CYP2S1: variants seen among roughly 807,000 people sequenced by gnomAD.
The protein encoded by CYP2S1 is cytochrome P450 2S1.
In CYP2S1, 32 loss-of-function variants were observed where a neutral mutation model predicts 43.5. The observed-to-expected ratio is 0.74, with a 90% CI of 0.56 to 0.99. The LOEUF is 0.99. Among genes scored for constraint, CYP2S1 ranks in the 50% least tolerant of loss-of-function variants. CYP2S1 has a pLI of 0.00. For missense variants in CYP2S1, 575 were observed against 673.9 expected (o/e 0.85, Z 1.62); for synonymous variants, 283 against 302.9 (o/e 0.93, Z 0.68).
At chr19:41,204,638 C>T (rs1475198118) in intron 7 of CYP2S1, among the ~76,000 whole-genome samples, 1 of 147,134 alleles carries the variant, frequency 6.8e-6, no homozygotes, top group African/African-American at 2.5e-5. Flanking sequence ...CGCTCTGTTG[C>T]CCAGGCTGGA....
Position 41,206,986 on chromosome 19 carries a change from C to T in CYP2S1, c.*498C>T. The T allele has an allele frequency of 2.8e-6, 1 of 362,422 alleles. No homozygotes were observed. Among genetic ancestry groups the T allele is most frequent in the South Asian group, 2.1e-5 (1 of 48,644 alleles). 22.5% of individuals were successfully genotyped at this position (362,422 alleles called of 1,614,324 possible). A position where few individuals can be genotyped will look rare whatever the true frequency, so the allele number is the denominator to read the frequency against. On this transcript the variant is annotated 3_prime_UTR_variant, in exon 9 of 9. Transcript: ENST00000310054. ...CAGAGACTGTCGCTGTCTATGGCCCCAACTCATGCTCCCTCTCTTGGCTAC... is the reference window on the plus strand; with the variant it reads ...CAGAGACTGTCGCTGTCTATGGCCCTAACTCATGCTCCCTCTCTTGGCTAC...
At chr19:41,201,084 A>G in intron 5 of CYP2S1, 147 bp from the exon 6 acceptor site, 1 of 1,064,262 alleles carries the variant, frequency 9.4e-7, no homozygotes. Flanking sequence ...CTCAAAAAAA[A>G]AAAGTCTACT....
At position 41,206,227 on chromosome 19, in the gene CYP2S1, C is replaced by T. The variant is rs984130147; in HGVS notation, c.1307-53C>T. On this transcript the variant is annotated intron_variant, in intron 8 of 8. Transcript: ENST00000310054. ...CTCCACCTGCTGTTCCCCCCGTGGGCCTGGGTGTGAGGAATACTGACTCAG... is the reference window on the plus strand; with the variant it reads ...CTCCACCTGCTGTTCCCCCCGTGGGTCTGGGTGTGAGGAATACTGACTCAG... 6 of 1,612,136 alleles carry T rather than the reference C, an allele frequency of 3.7e-6. No individual in the cohort carries two copies. In the East Asian group the frequency reaches 6.7e-5, roughly 18 times the overall value.
In CYP2S1 at chr19:41,203,627, C is replaced by A; in HGVS notation, c.1154C>A (p.Thr385Asn). 1 of 1,541,150 alleles carries A rather than the reference C, an allele frequency of 6.5e-7. No individual in the cohort carries two copies. Among genetic ancestry groups the A allele is most frequent in the Non-Finnish European group, 8.8e-7 (1 of 1,141,788 alleles). Reference protein sequence around the residue: ...LMRTTRFRGYTLPQGTEVFPL... With the variant: ...LMRTTRFRGYNLPQGTEVFPL... ...CGGACCACCCGCTTCCGAGGGTACA[C>A]CCTGCCCCAGGTGGGTATGCGTATG... Residue 385 changes from threonine (T) to asparagine (N), a missense_variant, in exon 7 of 9, where the codon ACC (threonine) becomes AAC (asparagine). Around this residue, in one of 2 missense-constraint regions of CYP2S1, gnomAD observed 222 missense variants for 306.3 expected, o/e 0.72. Coordinates refer to ENST00000310054, the MANE Select transcript of CYP2S1 (RefSeq NM_030622.8).
intron 2 of CYP2S1, among the ~76,000 whole-genome samples, chr19:41,197,064 A>G (rs2122154621): frequency 6.6e-6 from 1 of 152,250 alleles, no homozygotes; most frequent in South Asian, 2.1e-4. Flanking sequence ...GCGTAGTGGC[A>G]TATGCCTGTA....
At chr19:41,205,462 TC>T (rs1246755748) in intron 7 of CYP2S1, among the ~76,000 whole-genome samples, 4 of 150,888 alleles carry the variant, frequency 2.7e-5, no homozygotes, top group African/African-American at 9.8e-5. Flanking sequence ...TTTCTCTCTC[TC>T]TCTCTTTCTT....
At chr19:41,205,688 AT>A (rs2033566503) in intron 7 of CYP2S1, among the ~76,000 whole-genome samples, 2 of 151,724 alleles carry the variant, frequency 1.3e-5, no homozygotes, top group Admixed American at 1.3e-4. Flanking sequence ...TGCCTGGCTA[AT>A]TTTTTAATTT....
intron 6 of CYP2S1, 91 bp downstream of exon 6, chr19:41,201,463 T>C: frequency 1.3e-6 from 2 of 1,509,754 alleles, no homozygotes; most frequent in Non-Finnish European, 1.8e-6. Context: ...CCCAGCACTT[T>C]GGGAGGCTGA....
At chr19:41,201,992 T>C (rs901231865) in intron 6 of CYP2S1, among the ~76,000 whole-genome samples, 1 of 152,018 alleles carries the variant, frequency 6.6e-6, no homozygotes, top group African/African-American at 2.4e-5. Flanking sequence ...TTTATTTTTT[T>C]TACTTTTTGT....
chr19:41,193,617 G>A, intron 1 of CYP2S1, 176 bp downstream of exon 1: 1 of 1,248,422 alleles, frequency 8.0e-7, no homozygotes, highest in Non-Finnish European at 1.0e-6. Context: ...GTCCAGGGCT[G>A]AGAAGGGGAG....
At chr19:41,200,933 C>T (rs1017868485) in intron 5 of CYP2S1, among the ~76,000 whole-genome samples, 1 of 152,006 alleles carries the variant, frequency 6.6e-6, no homozygotes, top group Non-Finnish European at 1.5e-5. Flanking sequence ...CAAAAATTAG[C>T]CAGGCATGGT....
chr19:41,203,865 T>A (rs934365983), intron 7 of CYP2S1, among the ~76,000 whole-genome samples: 9 of 151,660 alleles, frequency 5.9e-5, no homozygotes, highest in Admixed American at 1.3e-4. Flanking sequence ...CTGCATATAT[T>A]TTTTTTCTTT....
chr19:41,207,048 A>C lies in CYP2S1; in HGVS notation c.*560A>C, dbSNP rs1599717775. On this transcript the variant is annotated 3_prime_UTR_variant, in exon 9 of 9. Transcript: ENST00000310054. ...AGCCTGTGACCACCGATGTCCACAC[A>C]CCCCCAACCACTTGTCCACACAGCT... 5.8e-6 allele frequency: 2 copies of C among 346,588 alleles called. No homozygotes were observed. Among genetic ancestry groups the C allele is most frequent in the South Asian group, 2.2e-5 (1 of 45,598 alleles). The allele number at this position is 346,588 out of a possible 1,614,324, so 21.5% of individuals were successfully genotyped here. A position where few individuals can be genotyped will look rare whatever the true frequency, so the allele number is the denominator to read the frequency against.
rs2122171332 is a variant in CYP2S1, at chr19:41,205,950, C to T, written c.1165-8C>T. On this transcript the variant is annotated splice_region_variant and splice_polypyrimidine_tract_variant and intron_variant, in intron 7 of 8. Transcript: ENST00000310054. ...GGGGTTTATAGTTTCATTATTATTT[C>T]CCCTCAGGGCACGGAGGTCTTCCCC... 7 of 1,612,670 alleles carry T rather than the reference C, an allele frequency of 4.3e-6. No homozygotes were observed. The highest frequency in any genetic ancestry group is 5.9e-6 in the Non-Finnish European group (7 of 1,179,282).
chr19:41,203,756 T>C, intron 7 of CYP2S1, 119 bp downstream of exon 7: 2 of 1,030,420 alleles, frequency 1.9e-6, no homozygotes, highest in Non-Finnish European at 2.7e-6. Context: ...TCTCTCTCTC[T>C]GTCTTTATCT....
In CYP2S1 at chr19:41,206,635, C is replaced by T. The variant is rs151058782; in HGVS notation, c.*147C>T. ...TTGTTTTCCGGAGTCTGTCCCACGG[C>T]CCACACGCTCACTTGACTCATGCTG... On this transcript the variant is annotated 3_prime_UTR_variant, in exon 9 of 9. Transcript: ENST00000310054. 2.4e-5 allele frequency: 24 copies of T among 995,216 alleles called. No individual in the cohort carries two copies. The East Asian group carries it at 5.2e-4, about 22-fold the overall frequency. The allele number at this position is 995,216 out of a possible 1,614,324, so 61.6% of individuals were successfully genotyped here. A position where few individuals can be genotyped will look rare whatever the true frequency, so the allele number is the denominator to read the frequency against.
In CYP2S1 at chr19:41,206,327, CTCT is replaced by C; in HGVS notation, c.1360_1362del (p.Phe454del). 6.2e-7 allele frequency: 1 copy of C among 1,614,142 alleles called. No homozygotes were observed. Among genetic ancestry groups the C allele is most frequent in the Non-Finnish European group, 8.5e-7 (1 of 1,180,036 alleles). On this transcript the variant is annotated inframe_deletion, in exon 9 of 9. Coordinates refer to ENST00000310054, the MANE Select transcript of CYP2S1 (RefSeq NM_030622.8). ...GGGCCTGGCAAAAGCGGAGCTCTTCCTCTTCTTCACCACCATCCTACAAGCCTT... is the reference window on the plus strand; with the variant it reads ...GGGCCTGGCAAAAGCGGAGCTCTTCCTCTTCACCACCATCCTACAAGCCTT...
In CYP2S1 at chr19:41,197,748, G is replaced by A. The variant is rs552065038; in HGVS notation, c.344-31G>A. ...GAAGGGGGAATGGGGGAGAGGGGCCGGTCCCTTTTTGAGTCTAGCCTTCTG... is the reference window on the plus strand; with the variant it reads ...GAAGGGGGAATGGGGGAGAGGGGCCAGTCCCTTTTTGAGTCTAGCCTTCTG... On this transcript the variant is annotated intron_variant, in intron 2 of 8. Transcript: ENST00000310054. 126 of 1,610,330 alleles carry A rather than the reference G, an allele frequency of 7.8e-5. No homozygotes were observed. In the East Asian group the frequency reaches 1.8e-3, roughly 23 times the overall value.
In CYP2S1 at chr19:41,198,938, G is replaced by T. The variant is rs758090356; in HGVS notation, c.834+50G>T. 11 of 1,562,162 alleles carry T rather than the reference G, an allele frequency of 7.0e-6. No homozygotes were observed. The highest frequency in any genetic ancestry group is 5.6e-5 in the Admixed American group (3 of 53,948). ...CTCTCTGAATGGGCGTGGTGACCTG[G>T]CAGGTCCCCAGCCAGGTGTCCCTGG... On this transcript the variant is annotated intron_variant, in intron 5 of 8. Transcript: ENST00000310054. The surrounding 1 kb of genome is among the most constrained non-coding windows in gnomAD (Gnocchi z 4.9).
Sources: gnomAD v4.1 joint callset for allele counts (sites outside exome capture counted in the v4.1 genomes callset) on GRCh38, gnomAD v4.1.1 for gene constraint, gnomAD v4.1.1 regional missense constraint, Gnocchi (gnomAD v3.1) non-coding constraint, MANE v1.5 for transcripts, NCBI Gene and HGNC (gene_info 2026-07-23, HGNC 2026-07-21) for gene names.